The following C1orf159 variants were observed in gnomAD, a reference collection of about 807,000 sequenced individuals.
C1orf159 encodes uncharacterized protein C1orf159.
In C1orf159, 19 loss-of-function variants were observed where a neutral mutation model predicts 25.6. The observed-to-expected ratio is 0.74, with a 90% CI of 0.52 to 1.09. The LOEUF (loss-of-function observed/expected upper bound fraction) is 1.09. Ranked by LOEUF, C1orf159 falls within the 50% of genes least tolerant of loss-of-function variation. The pLI, the probability that C1orf159 is intolerant of heterozygous loss-of-function variation, is 0.00. For missense variants in C1orf159, 274 were observed against 290.6 expected (o/e 0.94, Z 0.42); for synonymous variants, 139 against 124.7 (o/e 1.12, Z -0.77).
chr1:1,083,253 A>C, intron 9 of C1orf159: 1 of 447,962 alleles, frequency 2.2e-6, no homozygotes. Flanking sequence ...GGGCCAGGCG[A>C]TCCCCGAAGA....
chr1:1,091,106 C>T, intron 3 of C1orf159: 1 of 772,624 alleles, frequency 1.3e-6, no homozygotes, highest in Non-Finnish European at 2.1e-6. Flanking sequence ...GTGAGGGGTC[C>T]CCACCCTCCA....
At chr1:1,090,645 G>A (rs963139586) in intron 3 of C1orf159, 21 of 687,564 alleles carry the variant, frequency 3.1e-5, no homozygotes, top group Admixed American at 4.7e-5. Flanking sequence ...ACCCTGGGTG[G>A]GCGGTCTCCA....
chr1:1,091,473 G>A lies in C1orf159; in HGVS notation c.71C>T (p.Thr24Met), dbSNP rs767342177. ...VGVASKSMENTAQLPECCVDV... is the reference protein window; with the variant it reads ...VGVASKSMENMAQLPECCVDV... Reference sequence around the variant, plus strand: ...TGGACACGTGAGGGGGGCACCTACCGTGTTCTCCATGGACTTGCTGGCGAC... The same window carrying A: ...TGGACACGTGAGGGGGGCACCTACCATGTTCTCCATGGACTTGCTGGCGAC... The change falls in exon 3 of 10, where the codon ACG (threonine) becomes ATG (methionine). Residue 24 changes from threonine (T) to methionine (M), a missense_variant and splice_region_variant. Transcript: ENST00000421241. 33 of 1,550,192 alleles carry A rather than the reference G, an allele frequency of 2.1e-5. No individual in the cohort carries two copies. Among genetic ancestry groups the A allele is most frequent in the Middle Eastern group, 3.3e-4 (2 of 5,984 alleles).
rs117719448 is a variant in C1orf159, at chr1:1,111,674, C to G, written c.-136+4386G>C. ...GTGGGTAGACCACACCCACGCTCACCGTAACTCCAGCCGCCCAGGCAGCAG... is the reference window on the plus strand; with the variant it reads ...GTGGGTAGACCACACCCACGCTCACGGTAACTCCAGCCGCCCAGGCAGCAG... On this transcript the variant is annotated intron_variant, in intron 1 of 9. Coordinates refer to ENST00000421241, the MANE Select transcript of C1orf159 (RefSeq NM_017891.5). Among the ~76,000 whole-genome samples, 4 of 152,308 alleles carry G rather than the reference C, an allele frequency of 2.6e-5. No homozygotes were observed. The East Asian group carries it at 5.8e-4, about 22-fold the overall frequency.
chr1:1,110,486 A>G lies in C1orf159; in HGVS notation c.-136+5574T>C, dbSNP rs1646241720. On this transcript the variant is annotated intron_variant, in intron 1 of 9. Coordinates refer to ENST00000421241, the MANE Select transcript of C1orf159 (RefSeq NM_017891.5). This position sits in a 1 kb window ranked among gnomAD's most constrained non-coding sequence, Gnocchi z 4.8. ...GTCATCAAAAAAATGGGCAAAAGAC[A>G]TCCTCGGACACTCAGAAAACGTGTG... Among the ~76,000 whole-genome samples, 1 of 151,776 alleles carries G rather than the reference A, an allele frequency of 6.6e-6. No homozygotes were observed. Among genetic ancestry groups the G allele is most frequent in the African/African-American group, 2.4e-5 (1 of 41,034 alleles).
At chr1:1,084,622 C>T (rs1645800339) in intron 7 of C1orf159, 116 bp from the exon 8 acceptor site, 9 of 1,359,050 alleles carry the variant, frequency 6.6e-6, no homozygotes, top group South Asian at 2.6e-5. Context: ...CCCAGTGCGG[C>T]GTCCTCGGAG....
In C1orf159 at chr1:1,113,381, G is replaced by A. The variant is rs967893994; in HGVS notation, c.-136+2679C>T. The stretch of plus-strand genomic sequence containing the variant: ...AGCTCCACACTCCACCTCGGCACAC[G>A]CAACCCTCAGCCAGAGTGGTGAGAA... On this transcript the variant is annotated intron_variant, in intron 1 of 9. Coordinates refer to ENST00000421241, the MANE Select transcript of C1orf159 (RefSeq NM_017891.5). Among the ~76,000 whole-genome samples, 12 of 152,170 alleles carry A rather than the reference G, an allele frequency of 7.9e-5. No homozygotes were observed. In the East Asian group the frequency reaches 1.7e-3, roughly 22 times the overall value.
At chr1:1,091,589 A>AG (rs1471045912) in intron 2 of C1orf159, 24 bp from the exon 3 acceptor site, 2 of 1,490,958 alleles carry the variant, frequency 1.3e-6, no homozygotes, top group Non-Finnish European at 1.8e-6. Flanking sequence ...GAGCATGCGG[A>AG]GCCAAAGAGA....
rs754188496 is a variant in C1orf159, at chr1:1,087,560, G to A, written c.186C>T (p.Ser62=). 6.5e-7 allele frequency: 1 copy of A among 1,549,048 alleles called. No individual in the cohort carries two copies. The highest frequency in any genetic ancestry group is 2.0e-5 in the Admixed American group (1 of 50,990). The change falls in exon 5 of 10, where the codon AGC becomes AGT. Residue 62 remains serine (S), a synonymous_variant. Coordinates refer to ENST00000421241, the MANE Select transcript of C1orf159 (RefSeq NM_017891.5). The surrounding 1 kb of genome is among the most constrained non-coding windows in gnomAD (Gnocchi z 8.3). The part of the protein sequence containing the change: ...YRRWNADGSA[S]CVRCGNGTLP... ...GGGTTCCGTTCCCACAGCGGACGCA[G>A]CTGGCGCTCCCGTCCGCGTTCCAGC...
chr1:1,099,634 G>C (rs1427630042), intron 1 of C1orf159, among the ~76,000 whole-genome samples: 96 of 150,722 alleles, frequency 6.4e-4, no homozygotes, highest in African/African-American at 1.3e-3. Context: ...ATTGGAGAGA[G>C]AGAGGTTAAA....
chr1:1,099,679 T>A (rs1646070402), intron 1 of C1orf159, among the ~76,000 whole-genome samples: 1 of 151,096 alleles, frequency 6.6e-6, no homozygotes, highest in African/African-American at 2.4e-5. Flanking sequence ...TCTGCTGATG[T>A]TTTTGGTCTA....
At chr1:1,099,165 A>T (rs1483950044) in intron 1 of C1orf159, among the ~76,000 whole-genome samples, 5 of 151,454 alleles carry the variant, frequency 3.3e-5, no homozygotes, top group African/African-American at 4.9e-5. Flanking sequence ...TTATTCTAAG[A>T]ATCGGAGAGA....
rs1645764425 is a variant in C1orf159 at position 1,082,783 on chromosome 1, C to T, written c.*110G>A. 9.7e-6 allele frequency: 10 copies of T among 1,026,570 alleles called. No individual in the cohort carries two copies. Among genetic ancestry groups the T allele is most frequent in the African/African-American group, 1.6e-5 (1 of 62,742 alleles). 63.6% of individuals were successfully genotyped at this position (1,026,570 alleles called of 1,614,324 possible). The stretch of plus-strand genomic sequence containing the variant: ...AGGGACTCAGAGCCGAGGCTGTGCC[C>T]AGGACTGTCCCGGGCGCCGGGCGAT... On this transcript the variant is annotated 3_prime_UTR_variant, in exon 10 of 10. Coordinates refer to ENST00000421241, the MANE Select transcript of C1orf159 (RefSeq NM_017891.5).
chr1:1,100,914 C>T (rs1646091800), intron 1 of C1orf159, among the ~76,000 whole-genome samples: 1 of 152,182 alleles, frequency 6.6e-6, no homozygotes. Flanking sequence ...CACGTTGTGG[C>T]TGTCATATCT....
rs775044883 is a variant in C1orf159 at position 1,082,978 on chromosome 1, G to A, written c.512C>T (p.Pro171Leu). The change falls in exon 10 of 10, where the codon CCG becomes CTG. Residue 171 changes from proline to leucine, a missense_variant. By Grantham distance (98) the Pro-to-Leu change is moderately conservative. Transcript: ENST00000421241. ...IPPPQSSVRK[P>L]RYVRRERPLD... is the part of the protein sequence containing the mutation. ...GGGCCGCTCCCGCCTGACGTAGCGC[G>A]GCTTCCGTACTGAAACGGGTCAGAG... 3.9e-5 allele frequency: 63 copies of A among 1,598,776 alleles called. No individual in the cohort carries two copies. The highest frequency in any genetic ancestry group is 6.8e-5 in the South Asian group (6 of 88,590).
intron 1 of C1orf159, among the ~76,000 whole-genome samples, chr1:1,104,445 G>A (rs941931503): frequency 6.6e-6 from 1 of 152,244 alleles, no homozygotes; most frequent in African/African-American, 2.4e-5. Context: ...AGAGCCCTCA[G>A]GGAGCTGTTT....
chr1:1,115,658 CT>C (rs1181256192), intron 1 of C1orf159, among the ~76,000 whole-genome samples: 18 of 98,656 alleles, frequency 1.8e-4, no homozygotes, highest in African/African-American at 7.0e-4. Context: ...CAGGGACCCC[CT>C]TCCCTGCCCC....
At chr1:1,085,168 G>A in intron 7 of C1orf159, 1 of 325,852 alleles carries the variant, frequency 3.1e-6, no homozygotes, top group Non-Finnish European at 6.4e-6. Flanking sequence ...GATGGACAGG[G>A]GTCTCACAGC....
At chr1:1,101,397 C>T (rs921098937) in intron 1 of C1orf159, among the ~76,000 whole-genome samples, 12 of 152,234 alleles carry the variant, frequency 7.9e-5, no homozygotes, top group East Asian at 3.9e-4. Context: ...ACACAAGAAT[C>T]GCTTGAACCC....
Sources: gnomAD v4.1 joint callset for allele counts (sites outside exome capture counted in the v4.1 genomes callset) on GRCh38, gnomAD v4.1.1 for gene constraint, Gnocchi (gnomAD v3.1) non-coding constraint, MANE v1.5 for transcripts, NCBI Gene and HGNC (gene_info 2026-07-23, HGNC 2026-07-21) for gene names.